ZNF875: variants seen among roughly 807,000 people sequenced by gnomAD.
ZNF875 encodes HKR1, GLI-Kruppel zinc finger family member.
A neutral mutation model predicts 11.2 loss-of-function variants in ZNF875; 14 were observed. The ratio of observed to expected loss-of-function variants is 1.26; its 90% CI spans 0.83 to 1.96. The LOEUF (loss-of-function observed/expected upper bound fraction) is 1.96, where lower values mean the gene tolerates loss of function less well. Among genes scored for constraint, ZNF875 ranks in the 30% most tolerant of loss-of-function variants. The pLI is 0.00. For missense variants in ZNF875, 752 were observed against 760.4 expected, an observed-to-expected ratio of 0.99 and a Z score of 0.13; for synonymous variants, 301 against 281.1, an observed-to-expected ratio of 1.07 and a Z score of -0.71.
intron 4 of ZNF875, among the ~76,000 whole-genome samples, chr19:37,349,855 A>T (rs1043694587): frequency 6.6e-6 from 1 of 151,598 alleles, no homozygotes; most frequent in African/African-American, 2.4e-5. Flanking sequence ...GGGTTTCACC[A>T]TGTTGGCCAG....
chr19:37,363,364 G>C lies in ZNF875; in HGVS notation c.1512G>C (p.Lys504Asn), dbSNP rs762646335. The change falls in exon 5 of 5, where the codon AAG becomes AAC. Residue 504 changes from lysine to asparagine, a missense_variant. Coordinates refer to ENST00000392153, the MANE Select transcript of ZNF875 (RefSeq NM_001353803.2). ...ACCAGAGGACACACTCAGGGGAGAA[G>C]CCATTTGTATGTGCTGAGTGTGGAC... ...STHQRTHSGE[K>N]PFVCAECGRG... The C allele has an allele frequency of 5.0e-6, 8 of 1,612,724 alleles. No individual in the cohort carries two copies. In the Admixed American group the frequency reaches 1.3e-4, roughly 27 times the overall value.
intron 2 of ZNF875, chr19:37,344,828 G>T: frequency 1.8e-6 from 2 of 1,130,900 alleles, no homozygotes; most frequent in East Asian, 2.4e-5. Flanking sequence ...TAGCTCCTTC[G>T]TGGGAGATTT....
At chr19:37,357,682 T>C (rs765240951) in intron 4 of ZNF875, among the ~76,000 whole-genome samples, 2 of 152,194 alleles carry the variant, frequency 1.3e-5, no homozygotes, top group Non-Finnish European at 2.9e-5. Context: ...TTTTTGTACA[T>C]TGATTTTGTA....
Position 37,323,283 on chromosome 19 carries a change from A to T in ZNF875, c.-698-250A>T, listed in dbSNP as rs180707064. Among the ~76,000 whole-genome samples, 12 of 151,996 alleles carry T rather than the reference A, an allele frequency of 7.9e-5. No individual in the cohort carries two copies. In the East Asian group the frequency reaches 2.3e-3, roughly 29 times the overall value. On this transcript the variant is annotated intron_variant, in intron 2 of 5. Coordinates refer to the ZNF875 transcript ENST00000544914. ...ATTCTCTTGCCTCAGCCTCCAGAGT[A>T]GCTGGGATTACAGGTGCCCACCACC...
chr19:37,347,166 G>T, intron 2 of ZNF875, 24 bp from the exon 3 acceptor site: 1 of 1,613,562 alleles, frequency 6.2e-7, no homozygotes, highest in South Asian at 1.1e-5. Context: ...TCCTGGGTGA[G>T]CAGAGGTGTG....
intron 4 of ZNF875, among the ~76,000 whole-genome samples, chr19:37,326,633 G>C (rs958389428): frequency 7.3e-6 from 1 of 137,226 alleles, no homozygotes; most frequent in African/African-American, 2.6e-5. Context: ...TTTCTTGAAA[G>C]AATTTCAAAT....
chr19:37,336,564 G>A lies in ZNF875; in HGVS notation c.33+1307G>A, dbSNP rs1032341278. Reference sequence around the variant, plus strand: ...TCCACCCACCTCGGCCTCCCAAAGTGCTGGGATTACAAGTGAGATTACACC... The same window carrying A: ...TCCACCCACCTCGGCCTCCCAAAGTACTGGGATTACAAGTGAGATTACACC... On this transcript the variant is annotated intron_variant, in intron 2 of 4. Transcript: ENST00000392153. Among the ~76,000 whole-genome samples the A allele has an allele frequency of 4.6e-5, 7 of 151,282 alleles. No homozygotes were observed. The South Asian group carries it at 1.5e-3, about 32-fold the overall frequency.
At chr19:37,349,499 G>C (rs2037436766) in intron 4 of ZNF875, among the ~76,000 whole-genome samples, 1 of 152,116 alleles carries the variant, frequency 6.6e-6, no homozygotes, top group Admixed American at 6.6e-5. Flanking sequence ...CTTTTTATAT[G>C]TTCATTCCTT....
At chr19:37,339,620 G>A (rs1229514483) in intron 2 of ZNF875, among the ~76,000 whole-genome samples, 1 of 147,916 alleles carries the variant, frequency 6.8e-6, no homozygotes, top group Non-Finnish European at 1.5e-5. Flanking sequence ...GGATGCAGTG[G>A]TGCAATCGAT....
At chr19:37,344,705 G>A (rs1568607945) in intron 2 of ZNF875, 1 of 1,614,008 alleles carries the variant, frequency 6.2e-7, no homozygotes, top group Non-Finnish European at 8.5e-7. Context: ...ACCACACAGT[G>A]TCTACAATGC....
chr19:37,320,477 C>G (rs1475478871), intron 1 of ZNF875, among the ~76,000 whole-genome samples: 2 of 152,222 alleles, frequency 1.3e-5, no homozygotes, highest in South Asian at 4.1e-4. Context: ...GTTAAAGTGG[C>G]TGTTACAGAC....
At chr19:37,329,698 T>C (rs2145807771), upstream of ZNF875, among the ~76,000 whole-genome samples, 1 of 152,340 alleles carries the variant, frequency 6.6e-6, no homozygotes, top group South Asian at 2.1e-4. Flanking sequence ...AAATATCTTA[T>C]TAAAAATACA....
At chr19:37,319,372 A>ATATATATATATATATAATG (rs2030890962) in intron 1 of ZNF875, among the ~76,000 whole-genome samples, 1 of 96,170 alleles carries the variant, frequency 1.0e-5, no homozygotes, top group African/African-American at 6.1e-5. Context: ...TATATATAAT[A>ATATATATATATATATAATG]AAAATGGTAA....
intron 4 of ZNF875, among the ~76,000 whole-genome samples, chr19:37,351,223 TG>T (rs1286245018): frequency 6.6e-6 from 1 of 152,234 alleles, no homozygotes; most frequent in Non-Finnish European, 1.5e-5. Context: ...CAGTTAAATT[TG>T]TTGGCATAAT....
chr19:37,327,277 G>T (rs907292265), intron 4 of ZNF875, among the ~76,000 whole-genome samples: 4 of 152,152 alleles, frequency 2.6e-5, no homozygotes, highest in Admixed American at 6.5e-5. Flanking sequence ...ACAGGCATGA[G>T]CCATTTTCCC....
upstream of ZNF875, among the ~76,000 whole-genome samples, chr19:37,334,403 C>T (rs1355544857): frequency 6.6e-6 from 1 of 152,226 alleles, no homozygotes; most frequent in Non-Finnish European, 1.5e-5. Flanking sequence ...CTTCGGCAGT[C>T]CCGCGATGCC....
chr19:37,363,503 A>G lies in ZNF875; in HGVS notation c.1651A>G (p.Arg551Gly). The change falls in exon 5 of 5, where the codon AGG becomes GGG. Residue 551 changes from arginine to glycine, a missense_variant. Physicochemically the swap from Arg to Gly is moderately radical, Grantham distance 125. Transcript: ENST00000392153. Reference sequence around the variant, plus strand: ...GTTTCGGCAGAAGCCTAACCTGTTTAGGCACAAGAGGGCACACTCAGGTGC... The same window carrying G: ...GTTTCGGCAGAAGCCTAACCTGTTTGGGCACAAGAGGGCACACTCAGGTGC... ...RRFRQKPNLF[R>G]HKRAHSGAFV... The G allele has an allele frequency of 6.2e-7, 1 of 1,613,190 alleles. No individual in the cohort carries two copies. The highest frequency in any genetic ancestry group is 8.5e-7 in the Non-Finnish European group (1 of 1,179,422).
chr19:37,323,768 GTTACCTTC>G (rs901408209), intron 3 of ZNF875, among the ~76,000 whole-genome samples: 2 of 152,202 alleles, frequency 1.3e-5, no homozygotes, highest in Admixed American at 6.5e-5. Context: ...TGGCATGTGG[GTTACCTTC>G]CCACTGTGTC....
At chr19:37,356,496 A>G (rs772945414) in intron 4 of ZNF875, among the ~76,000 whole-genome samples, 9 of 152,088 alleles carry the variant, frequency 5.9e-5, no homozygotes, top group Non-Finnish European at 1.2e-4. Flanking sequence ...GAGATGGCCT[A>G]TCTTCTTGTG....
Sources: gnomAD v4.1 joint callset for allele counts (sites outside exome capture counted in the v4.1 genomes callset) on GRCh38, gnomAD v4.1.1 for gene constraint, MANE v1.5 for transcripts, NCBI Gene and HGNC (gene_info 2026-07-23, HGNC 2026-07-21) for gene names.